ARHGAP42: variants seen among roughly 807,000 people sequenced by gnomAD.
The protein encoded by ARHGAP42 is rho GTPase-activating protein 42.
In ARHGAP42, 63 loss-of-function variants were observed where a neutral mutation model predicts 125.0. The observed-to-expected ratio is 0.50, with a 90% CI of 0.41 to 0.62. The LOEUF is 0.62. Ranked by LOEUF, ARHGAP42 falls within the 20% of genes least tolerant of loss-of-function variation. ARHGAP42 has a pLI of 0.00. For synonymous variants in ARHGAP42, 339 were observed against 351.0 expected, an observed-to-expected ratio of 0.97 and a Z score of 0.38; for missense variants, 766 against 1,024.2, an observed-to-expected ratio of 0.75 and a Z score of 3.44.
intron 1 of ARHGAP42, among the ~76,000 whole-genome samples, chr11:100,716,618 T>C (rs952723103): frequency 3.3e-5 from 5 of 152,184 alleles, no homozygotes; most frequent in African/African-American, 1.2e-4. Flanking sequence ...GCATGTTTCT[T>C]AGGAGGACGA....
At chr11:100,966,165 C>T (rs1264859971) in intron 17 of ARHGAP42, among the ~76,000 whole-genome samples, 1 of 152,112 alleles carries the variant, frequency 6.6e-6, no homozygotes, top group Non-Finnish European at 1.5e-5. Context: ...GTCAAACTAA[C>T]ACTTAACTGT....
chr11:100,859,843 T>A (rs1591244899), intron 4 of ARHGAP42: 1 of 352,652 alleles, frequency 2.8e-6, no homozygotes, highest in Non-Finnish European at 5.0e-6. Flanking sequence ...TATAAATGAG[T>A]TCTTCCTTTC....
rs77731827 is a variant in ARHGAP42 at position 100,946,163 on chromosome 11, T to C, written c.1044-2294T>C. 8.5e-3 allele frequency among the ~76,000 whole-genome samples: 1,288 copies of C among 152,194 alleles called. 15 individuals are homozygous for C. The highest frequency in any genetic ancestry group is 0.017 in the Middle Eastern group (5 of 294). ...CCAACTTCTGCTAGGTTCATACTTT[T>C]TTTCTGCAGCTTACTCACCTCTCTC... On this transcript the variant is annotated intron_variant, in intron 10 of 23. Coordinates refer to ENST00000298815, the MANE Select transcript of ARHGAP42 (RefSeq NM_152432.4).
chr11:100,911,713 G>A (rs902945391), intron 4 of ARHGAP42, among the ~76,000 whole-genome samples: 7 of 152,116 alleles, frequency 4.6e-5, no homozygotes, highest in African/African-American at 1.7e-4. Flanking sequence ...AGTGAGTGGA[G>A]AGGACTAGCC....
intron 1 of ARHGAP42, among the ~76,000 whole-genome samples, chr11:100,727,288 C>T (rs1232140417): frequency 1.3e-5 from 2 of 152,252 alleles, no homozygotes; most frequent in African/African-American, 4.8e-5. Flanking sequence ...ATGGCCTCTG[C>T]CAGAGGCAGA....
chr11:100,784,769 G>A (rs1363290327), intron 2 of ARHGAP42, among the ~76,000 whole-genome samples: 1 of 152,114 alleles, frequency 6.6e-6, no homozygotes, highest in Non-Finnish European at 1.5e-5. Context: ...TAGTGAAAAA[G>A]TGTATAAATT....
chr11:100,836,983 C>T (rs1037547160), intron 3 of ARHGAP42, among the ~76,000 whole-genome samples: 13 of 151,784 alleles, frequency 8.6e-5, no homozygotes, highest in African/African-American at 2.4e-4. Context: ...ATTCTTATGT[C>T]GACTTCATTG....
chr11:100,709,196 C>T (rs1301605714), intron 1 of ARHGAP42, among the ~76,000 whole-genome samples: 2 of 152,124 alleles, frequency 1.3e-5, no homozygotes, highest in Non-Finnish European at 2.9e-5. Context: ...CATGTCACTA[C>T]GCCCAGCTAA....
At chr11:100,899,560 C>G (rs556481295) in intron 4 of ARHGAP42, among the ~76,000 whole-genome samples, 7 of 152,218 alleles carry the variant, frequency 4.6e-5, no homozygotes, top group Admixed American at 1.3e-4. Flanking sequence ...GGATAGTTAA[C>G]TCTTCTTGTT....
chr11:100,791,213 C>G (rs1402785767), intron 2 of ARHGAP42, among the ~76,000 whole-genome samples: 2 of 152,166 alleles, frequency 1.3e-5, no homozygotes, highest in African/African-American at 4.8e-5. Flanking sequence ...CTGGGGCACA[C>G]TAGGCAGTTT....
chr11:100,818,363 T>C (rs1309146814), intron 3 of ARHGAP42, among the ~76,000 whole-genome samples: 1 of 152,180 alleles, frequency 6.6e-6, no homozygotes, highest in Non-Finnish European at 1.5e-5. Context: ...CGGAGATGCA[T>C]GTACATAACG....
At chr11:100,848,144 C>T (rs1322963729) in intron 3 of ARHGAP42, among the ~76,000 whole-genome samples, 2 of 152,106 alleles carry the variant, frequency 1.3e-5, no homozygotes, top group Admixed American at 1.3e-4. Flanking sequence ...ATGTCATTAG[C>T]TTTGTATCTT....
chr11:100,882,851 A>T (rs1865994261), intron 4 of ARHGAP42, among the ~76,000 whole-genome samples: 1 of 152,036 alleles, frequency 6.6e-6, no homozygotes, highest in South Asian at 2.1e-4. Context: ...TCTTTCCAGG[A>T]ATTTATCCAT....
chr11:100,789,598 C>A (rs2135023742), intron 2 of ARHGAP42, among the ~76,000 whole-genome samples: 1 of 152,294 alleles, frequency 6.6e-6, no homozygotes, highest in East Asian at 1.9e-4. Context: ...TGGCTCCAAA[C>A]CAAGCATGTG....
intron 6 of ARHGAP42, among the ~76,000 whole-genome samples, chr11:100,927,164 T>C (rs1459375624): frequency 6.6e-6 from 1 of 152,208 alleles, no homozygotes. Context: ...TTTCAGAGTC[T>C]CTAAATTTAA....
intron 22 of ARHGAP42, among the ~76,000 whole-genome samples, chr11:100,981,220 A>C (rs1858537856): frequency 6.6e-6 from 1 of 152,242 alleles, no homozygotes; most frequent in Non-Finnish European, 1.5e-5. Context: ...TGAACATGAC[A>C]GGTGCTCTGT....
intron 3 of ARHGAP42, among the ~76,000 whole-genome samples, chr11:100,803,686 CT>C (rs1406090694): frequency 2.6e-4 from 39 of 152,172 alleles, no homozygotes; most frequent in Non-Finnish European, 4.1e-4. Flanking sequence ...CTTTATGCTC[CT>C]CCTTTACCCT....
intron 3 of ARHGAP42, among the ~76,000 whole-genome samples, chr11:100,848,204 C>G (rs1207071270): frequency 1.3e-5 from 2 of 152,054 alleles, no homozygotes; most frequent in Non-Finnish European, 2.9e-5. Flanking sequence ...AACATACATT[C>G]CAATTTTACT....
At chr11:100,939,699 A>G (rs1344290171) in intron 8 of ARHGAP42, among the ~76,000 whole-genome samples, 2 of 152,152 alleles carry the variant, frequency 1.3e-5, no homozygotes, top group Admixed American at 1.3e-4. Context: ...TAGAGCTGTA[A>G]TCTATTTTTA....
Sources: allele counts gnomAD v4.1 joint callset (sites outside exome capture counted in the v4.1 genomes callset), GRCh38; gene constraint gnomAD v4.1.1; transcripts MANE v1.5; gene names NCBI Gene and HGNC (gene_info 2026-07-23, HGNC 2026-07-21).